Variants in USP44 observed in about 807,000 individuals in gnomAD.
USP44 encodes the protein ubiquitin specific peptidase 44, also known as ubiquitin carboxyl-terminal hydrolase 44.
USP44 carries 61 observed loss-of-function variants against 69.0 expected under a neutral mutation model. The observed-to-expected ratio is 0.88, with a 90% CI of 0.72 to 1.09. USP44 has a LOEUF of 1.09. Among genes scored for constraint, USP44 ranks in the 50% least tolerant of loss-of-function variants. USP44 has a pLI of 0.00. For synonymous variants in USP44, 297 were observed against 295.4 expected, an observed-to-expected ratio of 1.01 and a Z score of -0.06; for missense variants, 753 against 849.9, an observed-to-expected ratio of 0.89 and a Z score of 1.42.
chr12:95,522,814 A>C (rs898926224), intron 4 of USP44, among the ~76,000 whole-genome samples: 5 of 148,606 alleles, frequency 3.4e-5, no homozygotes, highest in African/African-American at 1.0e-4. Flanking sequence ...TGTCTTTTGT[A>C]TGCTAATGAG....
In USP44 at chr12:95,518,287, T is replaced by C; in HGVS notation, c.2006A>G (p.Gln669Arg). Residue 669 changes from glutamine to arginine, a missense_variant, in exon 6 of 6, where the codon CAA becomes CGA. Coordinates refer to ENST00000258499, the MANE Select transcript of USP44 (RefSeq NM_032147.5). Reference protein sequence around the residue: ...MCTMDEVCKAQAYILFYTQRV... With the variant: ...MCTMDEVCKARAYILFYTQRV... ...TTGGGTATAAAACAAGATATAAGCT[T>C]GAGCCTTGCATACTTCATCCATAGT... The C allele has an allele frequency of 6.2e-7, 1 of 1,614,174 alleles. No individual in the cohort carries two copies. Among genetic ancestry groups the C allele is most frequent in the Non-Finnish European group, 8.5e-7 (1 of 1,180,044 alleles).
At chr12:95,521,248 T>C (rs533841580) in intron 4 of USP44, 46 bp from the exon 5 acceptor site, 1 of 1,582,782 alleles carries the variant, frequency 6.3e-7, no homozygotes, top group South Asian at 1.1e-5. Context: ...TAAGGGAAAA[T>C]AACCACGTAC....
Position 95,520,895 on chromosome 12 carries a change from G to A in USP44, c.1939+102C>T, listed in dbSNP as rs138936852. Reference sequence around the variant, plus strand: ...TCTCCCTAAGAAAATAAGTGGTCGAGTAGCTTTGTTTATGATTTAGTAGTC... The same window carrying A: ...TCTCCCTAAGAAAATAAGTGGTCGAATAGCTTTGTTTATGATTTAGTAGTC... On this transcript the variant is annotated intron_variant, in intron 5 of 5. Transcript: ENST00000258499. 6.4e-3 allele frequency: 6,822 copies of A among 1,062,190 alleles called. 49 individuals carry two copies. Among genetic ancestry groups the A allele is most frequent in the Middle Eastern group, 0.03 (110 of 3,700 alleles). 65.8% of individuals were successfully genotyped at this position (1,062,190 alleles called of 1,614,324 possible).
intron 4 of USP44, among the ~76,000 whole-genome samples, chr12:95,524,105 G>C (rs1026946968): frequency 1.2e-4 from 18 of 151,808 alleles, no homozygotes; most frequent in African/African-American, 4.4e-4. Context: ...GTTTGAGATG[G>C]AGTCTCACTC....
chr12:95,542,784 A>G (rs1458561724), intron 1 of USP44, among the ~76,000 whole-genome samples: 1 of 150,154 alleles, frequency 6.7e-6, no homozygotes, highest in Non-Finnish European at 1.5e-5. Context: ...AAAAACAACC[A>G]GAGGTTGAAA....
At chr12:95,550,791 A>T (rs972194607) in intron 1 of USP44, among the ~76,000 whole-genome samples, 2 of 152,148 alleles carry the variant, frequency 1.3e-5, no homozygotes, top group Non-Finnish European at 2.9e-5. Flanking sequence ...TGAAATGGGA[A>T]GAAAAGCAAA....
In USP44 at chr12:95,534,363, C is replaced by G. The variant is rs192960217; in HGVS notation, c.-70-37G>C. On this transcript the variant is annotated intron_variant, in intron 1 of 5. Coordinates refer to ENST00000258499, the MANE Select transcript of USP44 (RefSeq NM_032147.5). Reference sequence around the variant, plus strand: ...AATGTCAAGTGTTAATAACAAGATGCTAATATTTTTCATATTTTTTCCCAA... The same window carrying G: ...AATGTCAAGTGTTAATAACAAGATGGTAATATTTTTCATATTTTTTCCCAA... The G allele has an allele frequency of 4.5e-3, 4,903 of 1,092,646 alleles. 20 individuals are homozygous for G. The highest frequency in any genetic ancestry group is 5.5e-3 in the Non-Finnish European group (4,253 of 770,368). 67.7% of individuals were successfully genotyped at this position (1,092,646 alleles called of 1,614,324 possible). A position where few individuals can be genotyped will look rare whatever the true frequency, so the allele number is the denominator to read the frequency against.
In USP44 at chr12:95,533,000, G is replaced by A. The variant is rs758636060; in HGVS notation, c.1257C>T (p.Tyr419=). The A allele has an allele frequency of 1.7e-5, 27 of 1,614,034 alleles. No individual in the cohort carries two copies. Among genetic ancestry groups the A allele is most frequent in the South Asian group, 6.6e-5 (6 of 91,062 alleles). ...VWRLIPAFRG[Y]AQQDAQEFLC... is the part of the protein sequence containing the mutation. The stretch of plus-strand genomic sequence containing the variant: ...GAAATTCCTGAGCGTCTTGTTGGGC[G>A]TAACCACGAAAGGCAGGAATGAGTC... The change falls in exon 2 of 6, where the codon TAC becomes TAT. Residue 419 remains tyrosine (Y), a synonymous_variant. Transcript: ENST00000258499.
chr12:95,539,872 G>A (rs371151223), intron 1 of USP44, among the ~76,000 whole-genome samples: 7 of 152,064 alleles, frequency 4.6e-5, no homozygotes, highest in East Asian at 3.8e-4. Context: ...TTAATCAACC[G>A]TTTATATCAA....
intron 1 of USP44, among the ~76,000 whole-genome samples, chr12:95,542,619 G>T (rs962295961): frequency 6.6e-6 from 1 of 151,936 alleles, no homozygotes; most frequent in Non-Finnish European, 1.5e-5. Flanking sequence ...AAAATTAGCC[G>T]GTTGTGGTGG....
intron 1 of USP44, among the ~76,000 whole-genome samples, chr12:95,537,551 T>C (rs1228945266): frequency 6.6e-6 from 1 of 152,112 alleles, no homozygotes; most frequent in African/African-American, 2.4e-5. Context: ...GCTCCCGACC[T>C]CGTGACCTGC....
intron 2 of USP44, among the ~76,000 whole-genome samples, chr12:95,529,849 C>T (rs927890956): frequency 3.3e-5 from 5 of 152,120 alleles, no homozygotes; most frequent in African/African-American, 9.7e-5. Flanking sequence ...GCCCTGACAA[C>T]TGATAATTTC....
chr12:95,519,368 A>G (rs1199151396), intron 5 of USP44, among the ~76,000 whole-genome samples: 2 of 152,122 alleles, frequency 1.3e-5, no homozygotes, highest in Non-Finnish European at 2.9e-5. Context: ...TGTCTATGCA[A>G]AAAAATCCAA....
At chr12:95,518,496 G>C in intron 5 of USP44, 143 bp from the exon 6 acceptor site, 1 of 820,834 alleles carries the variant, frequency 1.2e-6, no homozygotes. Context: ...AGATTGGGCA[G>C]TGTTACCCTG....
At chr12:95,528,463 AAAG>A (rs2076921194) in intron 3 of USP44, among the ~76,000 whole-genome samples, 1 of 152,286 alleles carries the variant, frequency 6.6e-6, no homozygotes, top group East Asian at 1.9e-4. Context: ...TGTAGCCAAA[AAAG>A]CTCATAAAGC....
chr12:95,539,115 A>G (rs1334974636), intron 1 of USP44, among the ~76,000 whole-genome samples: 1 of 152,254 alleles, frequency 6.6e-6, no homozygotes, highest in Non-Finnish European at 1.5e-5. Context: ...TATCTGTGCT[A>G]TAATTCTCAT....
intron 3 of USP44, among the ~76,000 whole-genome samples, chr12:95,525,696 T>C (rs1352775631): frequency 6.6e-6 from 1 of 152,220 alleles, no homozygotes; most frequent in Non-Finnish European, 1.5e-5. Flanking sequence ...CTTTTAGCAC[T>C]AGATCTTAGA....
At chr12:95,534,487 C>G (rs746820136) in intron 1 of USP44, among the ~76,000 whole-genome samples, 161 bp from the exon 2 acceptor site, 4 of 152,302 alleles carry the variant, frequency 2.6e-5, no homozygotes, top group Non-Finnish European at 5.9e-5. Flanking sequence ...ACTTCCCTAA[C>G]CTCACATCCA....
chr12:95,537,407 C>T (rs2077242282), intron 1 of USP44, among the ~76,000 whole-genome samples: 1 of 152,122 alleles, frequency 6.6e-6, no homozygotes, highest in Non-Finnish European at 1.5e-5. Context: ...CAACCTCCAC[C>T]TCCTGGGTTC....
Sources: gnomAD v4.1 joint callset for allele counts (sites outside exome capture counted in the v4.1 genomes callset) on GRCh38, gnomAD v4.1.1 for gene constraint, MANE v1.5 for transcripts, NCBI Gene and HGNC (gene_info 2026-07-23, HGNC 2026-07-21) for gene names.